Variants in TAB2 observed in about 807,000 individuals in gnomAD.
TAB2 encodes TGF-beta activated kinase 1 (MAP3K7) binding protein 2, also known as TGF-beta-activated kinase 1 and MAP3K7-binding protein 2.
In TAB2, 3 loss-of-function variants were observed where a neutral mutation model predicts 65.0. The observed-to-expected ratio is 0.05, with a 90% CI of 0.02 to 0.12. The LOEUF (loss-of-function observed/expected upper bound fraction) is 0.12. Among genes scored for constraint, TAB2 ranks in the 10% least tolerant of loss-of-function variants. The pLI is 1.00. For missense variants in TAB2, 623 were observed against 840.3 expected (o/e 0.74, Z 3.20); for synonymous variants, 298 against 285.1 (o/e 1.05, Z -0.46).
chr6:149,229,857 T>G (rs1328326403), intron 1 of TAB2: 2 of 152,156 alleles, frequency 1.3e-5, no homozygotes, highest in East Asian at 3.8e-4. Flanking sequence ...TGCTGTCGAG[T>G]TGGTTTATTT....
intron 1 of TAB2, chr6:149,346,576 C>A (rs920464429): frequency 6.6e-6 from 1 of 151,832 alleles, no homozygotes; most frequent in Admixed American, 6.6e-5. Context: ...GCCTCACCCT[C>A]CCAAATAGCT....
At chr6:149,376,756 AT>A (rs1781410476) in intron 2 of TAB2, among the ~76,000 whole-genome samples, 1 of 152,152 alleles carries the variant, frequency 6.6e-6, no homozygotes, top group Non-Finnish European at 1.5e-5. Context: ...TTGGTTTTAT[AT>A]GTCTTTGATT....
At chr6:149,397,002 G>A (rs1361731382) in intron 3 of TAB2, among the ~76,000 whole-genome samples, 1 of 152,210 alleles carries the variant, frequency 6.6e-6, no homozygotes, top group African/African-American at 2.4e-5. Context: ...ACAGTAGTAA[G>A]TAGGTTAACT....
rs59196897 is a variant in TAB2 at position 149,281,555 on chromosome 6, C to CAAAAAAAAAAAAAA, written c.-121+62792_-121+62805dup. 4.0e-4 allele frequency among the ~76,000 whole-genome samples: 28 copies of CAAAAAAAAAAAAAA among 70,336 alleles called. 10 individuals are homozygous for CAAAAAAAAAAAAAA. The highest frequency in any genetic ancestry group is 1.1e-3 in the African/African-American group (21 of 19,640). 46.1% of individuals were successfully genotyped at this position (70,336 alleles called of 152,430 possible). A position where few individuals can be genotyped will look rare whatever the true frequency, so the allele number is the denominator to read the frequency against. ...TGAACAACACAGCAAGATGCCATCT[C>CAAAAAAAAAAAAAA]AAAAAAAAAAAAAAAAAAAAAAAAA... On this transcript the variant is annotated intron_variant, in intron 1 of 1. Coordinates refer to the TAB2 transcript ENST00000606202.
intron 1 of TAB2, among the ~76,000 whole-genome samples, chr6:149,237,978 T>G (rs1399829325): frequency 6.6e-6 from 1 of 152,226 alleles, no homozygotes; most frequent in African/African-American, 2.4e-5. Context: ...CACCCCACAC[T>G]CAGCGTTCCC....
At position 149,391,282 on chromosome 6, in the gene TAB2, C is replaced by G. The variant is rs141385132; in HGVS notation, c.1604-6322C>G. ...CTTTCTGGAAATTTTTAAGATCTTT[C>G]TTTGTCTTTAGTAGTCTGAAATTTT... is the stretch of plus-strand genomic sequence containing the variant. On this transcript the variant is annotated intron_variant, in intron 3 of 6. Coordinates refer to ENST00000637181, the MANE Select transcript of TAB2 (RefSeq NM_001292034.3). Among the ~76,000 whole-genome samples, 1,136 of 151,462 alleles carry G rather than the reference C, an allele frequency of 7.5e-3. 8 individuals carry two copies. The highest frequency in any genetic ancestry group is 0.026 in the African/African-American group (1,089 of 41,244).
intron 1 of TAB2, among the ~76,000 whole-genome samples, chr6:149,297,831 C>A (rs894349243): frequency 1.3e-5 from 2 of 151,968 alleles, no homozygotes; most frequent in Non-Finnish European, 2.9e-5. Flanking sequence ...CTATGCCTGG[C>A]CTTAAACCAA....
At chr6:149,229,680 G>A (rs1226798370) in intron 1 of TAB2, among the ~76,000 whole-genome samples, 1 of 152,062 alleles carries the variant, frequency 6.6e-6, no homozygotes, top group African/African-American at 2.4e-5. Flanking sequence ...GACCTGGTGG[G>A]CACTGTGGAC....
At chr6:149,308,773 A>C (rs1331319688) in intron 1 of TAB2, among the ~76,000 whole-genome samples, 6 of 151,998 alleles carry the variant, frequency 3.9e-5, no homozygotes, top group Non-Finnish European at 8.8e-5. Flanking sequence ...TGATTCGTCC[A>C]CCTCAGCCTC....
intron 1 of TAB2, among the ~76,000 whole-genome samples, chr6:149,326,513 G>A (rs1308362660): frequency 1.3e-5 from 2 of 151,508 alleles, no homozygotes; most frequent in African/African-American, 2.4e-5. Flanking sequence ...AGAATTATAA[G>A]GTACATGTTG....
At chr6:149,223,076 G>T (rs1418964416) in intron 1 of TAB2, among the ~76,000 whole-genome samples, 1 of 152,104 alleles carries the variant, frequency 6.6e-6, no homozygotes, top group Non-Finnish European at 1.5e-5. Flanking sequence ...TTTTTGTTAA[G>T]TAGCAACAAG....
chr6:149,280,422 G>A (rs1452155860), intron 1 of TAB2, among the ~76,000 whole-genome samples: 6 of 152,084 alleles, frequency 3.9e-5, no homozygotes, highest in African/African-American at 1.2e-4. Flanking sequence ...TTATTTCAAA[G>A]CCCATTTTAT....
intron 1 of TAB2, among the ~76,000 whole-genome samples, chr6:149,298,566 T>C (rs1259266535): frequency 2.6e-5 from 4 of 152,176 alleles, no homozygotes; most frequent in African/African-American, 4.8e-5. Context: ...AGGTCAAGGC[T>C]GCGGTAATCA....
At chr6:149,314,731 G>A (rs553920890), upstream of TAB2, among the ~76,000 whole-genome samples, 45 of 152,266 alleles carry the variant, frequency 3.0e-4, no homozygotes, top group Admixed American at 9.1e-4. Context: ...TTGAAATGTG[G>A]CTAGTGCAAC....
At chr6:149,226,172 G>A (rs924473804) in intron 1 of TAB2, among the ~76,000 whole-genome samples, 7 of 152,138 alleles carry the variant, frequency 4.6e-5, no homozygotes, top group African/African-American at 1.7e-4. Flanking sequence ...TAGCCATCCA[G>A]GGTGGAGACT....
At chr6:149,222,031 C>A (rs1310596739) in intron 1 of TAB2, among the ~76,000 whole-genome samples, 1 of 152,156 alleles carries the variant, frequency 6.6e-6, no homozygotes, top group African/African-American at 2.4e-5. Context: ...TGTGAGTGAT[C>A]CTTATCCAAT....
At chr6:149,263,353 A>AT (rs955033549) in intron 1 of TAB2, among the ~76,000 whole-genome samples, 6 of 152,096 alleles carry the variant, frequency 3.9e-5, no homozygotes, top group African/African-American at 1.4e-4. Flanking sequence ...TATCGAAACA[A>AT]TTTTTTTTAC....
intron 1 of TAB2, chr6:149,247,760 G>A (rs1777753949): frequency 6.6e-6 from 1 of 152,192 alleles, no homozygotes; most frequent in Non-Finnish European, 1.5e-5. Context: ...GAGTCCCAGG[G>A]AGAAGTGCAT....
chr6:149,316,516 G>A (rs1678561199), upstream of TAB2, among the ~76,000 whole-genome samples: 1 of 152,196 alleles, frequency 6.6e-6, no homozygotes, highest in Non-Finnish European at 1.5e-5. Context: ...CCAGGGATAT[G>A]GACATTTTGG....
Sources: gnomAD v4.1 joint callset for allele counts (sites outside exome capture counted in the v4.1 genomes callset) on GRCh38, gnomAD v4.1.1 for gene constraint, MANE v1.5 for transcripts, NCBI Gene and HGNC (gene_info 2026-07-23, HGNC 2026-07-21) for gene names.